Variants in GPM6B observed in about 807,000 individuals in gnomAD.
The protein encoded by GPM6B is glycoprotein M6B, also known as neuronal membrane glycoprotein M6-b.
In GPM6B, 4 loss-of-function variants were observed where a neutral mutation model predicts 27.2. The observed-to-expected ratio is 0.15, with a 90% CI of 0.07 to 0.34. The LOEUF (loss-of-function observed/expected upper bound fraction) is 0.34, where lower values mean the gene tolerates loss of function less well. GPM6B is among the 10% of genes least tolerant of loss of function. The pLI, the probability that GPM6B is intolerant of heterozygous loss-of-function variation, is 1.00. For synonymous variants in GPM6B, 124 were observed against 103.1 expected (o/e 1.20, Z -1.23); for missense variants, 183 against 261.9 (o/e 0.70, Z 2.08).
At chrX:13,786,585 TG>T (rs765177089) in intron 2 of GPM6B, among the ~76,000 whole-genome samples, 35 of 110,195 alleles carry the variant, frequency 3.2e-4, no homozygotes, top group Admixed American at 2.5e-3. Context: ...GGCTTCCACC[TG>T]CCCCCTTCCC....
chrX:13,781,044 C>A, intron 4 of GPM6B: 1 of 262,748 alleles, frequency 3.8e-6, no homozygotes. Flanking sequence ...TTCAGCAGTT[C>A]CACCTCCCAC....
rs1022370556 is a variant in GPM6B at position 13,799,968 on chromosome X, C to T, written c.181+7682G>A. On this transcript the variant is annotated intron_variant, in intron 2 of 7. Transcript: ENST00000316715. ...TCATGGCCTTGTGTAATTCCTTCCC[C>T]TGAATGTGGGCTGGACCTAGTAGCT... Among the ~76,000 whole-genome samples the T allele has an allele frequency of 7.1e-5, 8 of 111,956 alleles. No individual in the cohort carries two copies. The East Asian group carries it at 1.4e-3, about 19-fold the overall frequency.
At chrX:13,825,641 G>C (rs1230906844) in intron 1 of GPM6B, among the ~76,000 whole-genome samples, 1 of 112,894 alleles carries the variant, frequency 8.9e-6, no homozygotes, top group Non-Finnish European at 1.9e-5. Context: ...GCCTGGAATG[G>C]AAACCACTTT....
intron 1 of GPM6B, among the ~76,000 whole-genome samples, chrX:13,911,227 A>G (rs1398790817): frequency 8.9e-6 from 1 of 112,332 alleles, no homozygotes; most frequent in East Asian, 2.8e-4. Flanking sequence ...ACAAAAGTAT[A>G]CAGAAGTCAC....
chrX:13,795,395 A>G (rs1050690679), intron 2 of GPM6B, among the ~76,000 whole-genome samples: 3 of 111,891 alleles, frequency 2.7e-5, no homozygotes, highest in Non-Finnish European at 5.6e-5. Flanking sequence ...GAAGAATTTC[A>G]TAATTATCTG....
intron 2 of GPM6B, among the ~76,000 whole-genome samples, chrX:13,805,602 C>T (rs2049007973): frequency 4.5e-5 from 5 of 112,281 alleles, no homozygotes; most frequent in Non-Finnish European, 9.4e-5. Flanking sequence ...GCTATGAATG[C>T]CCAGATTCTG....
chrX:13,845,523 T>C (rs911152857), intron 1 of GPM6B, among the ~76,000 whole-genome samples: 2 of 111,971 alleles, frequency 1.8e-5, no homozygotes, highest in East Asian at 5.5e-4. Context: ...GAGTGAAAAT[T>C]CTCCTTCTTC....
rs1031763945 is a variant in GPM6B, at chrX:13,898,782, G to T, written c.-198+39545C>A. ...AATCATGTGCTACCTCTGAGGCCTC[G>T]CTTTCTCACAGAGCTTAGCTCTATG... is the stretch of plus-strand genomic sequence containing the variant. On this transcript the variant is annotated intron_variant, in intron 1 of 6. Coordinates refer to the GPM6B transcript ENST00000398361. 1.3e-4 allele frequency among the ~76,000 whole-genome samples: 15 copies of T among 111,410 alleles called. No homozygotes were observed. The Admixed American group carries it at 1.4e-3, about 11-fold the overall frequency.
chrX:13,833,060 G>A (rs72614521), intron 1 of GPM6B, among the ~76,000 whole-genome samples: 2,643 of 111,428 alleles, frequency 0.024, 53 homozygotes, highest in East Asian at 0.15. Context: ...GAGCCCAGGA[G>A]TTTGAGGTTA....
At chrX:13,906,137 T>A (rs1434684533) in intron 1 of GPM6B, among the ~76,000 whole-genome samples, 1 of 112,463 alleles carries the variant, frequency 8.9e-6, no homozygotes, top group Non-Finnish European at 1.9e-5. Context: ...GAACAGCTGT[T>A]GTGGCCGAAT....
At chrX:13,868,782 C>T (rs1413242650) in intron 1 of GPM6B, among the ~76,000 whole-genome samples, 2 of 112,185 alleles carry the variant, frequency 1.8e-5, no homozygotes, top group East Asian at 5.6e-4. Flanking sequence ...TAAAGCAATT[C>T]ACTGCACAAC....
At chrX:13,806,886 T>C (rs762899553) in intron 2 of GPM6B, among the ~76,000 whole-genome samples, 4 of 112,240 alleles carry the variant, frequency 3.6e-5, no homozygotes, top group South Asian at 3.7e-4. Flanking sequence ...GGTTGTACAC[T>C]GGCAAAATCA....
chrX:13,807,044 G>C (rs1428546965), intron 2 of GPM6B, among the ~76,000 whole-genome samples: 1 of 112,116 alleles, frequency 8.9e-6, no homozygotes, highest in African/African-American at 3.2e-5. Flanking sequence ...GCACCTAGCG[G>C]TTCTGAATGG....
chrX:13,802,039 G>A (rs933310268), intron 2 of GPM6B, among the ~76,000 whole-genome samples: 2 of 111,207 alleles, frequency 1.8e-5, no homozygotes, highest in East Asian at 2.8e-4. Context: ...CTGAGGAGGT[G>A]GGAAGACCTA....
intron 2 of GPM6B, among the ~76,000 whole-genome samples, chrX:13,804,622 G>A (rs1180908966): frequency 2.7e-5 from 3 of 110,563 alleles, no homozygotes; most frequent in Non-Finnish European, 3.8e-5. Context: ...AAAGGACCCT[G>A]GAACCGCCAT....
At chrX:13,802,911 C>T (rs566275357) in intron 2 of GPM6B, among the ~76,000 whole-genome samples, 3 of 111,746 alleles carry the variant, frequency 2.7e-5, no homozygotes, top group Non-Finnish European at 3.8e-5. Context: ...AGAACCCACA[C>T]GGCACGACCA....
At chrX:13,775,858 G>A (rs1308729632) in intron 7 of GPM6B, among the ~76,000 whole-genome samples, 1 of 112,220 alleles carries the variant, frequency 8.9e-6, no homozygotes, top group African/African-American at 3.2e-5. Flanking sequence ...GTATGTATAT[G>A]TGCATATCTC....
chrX:13,817,615 C>T (rs764594766), upstream of GPM6B, among the ~76,000 whole-genome samples: 1 of 112,478 alleles, frequency 8.9e-6, no homozygotes, highest in African/African-American at 3.2e-5. Flanking sequence ...CCCATAGTCT[C>T]TATTTACTTT....
intron 1 of GPM6B, among the ~76,000 whole-genome samples, chrX:13,932,849 A>C: frequency 8.9e-6 from 1 of 111,740 alleles, no homozygotes; most frequent in Admixed American, 9.6e-5. Flanking sequence ...AAAGTATTTT[A>C]TAGCAGCAGA....
Sources: gnomAD v4.1 joint callset for allele counts (sites outside exome capture counted in the v4.1 genomes callset) on GRCh38, gnomAD v4.1.1 for gene constraint, MANE v1.5 for transcripts, NCBI Gene and HGNC (gene_info 2026-07-23, HGNC 2026-07-21) for gene names.